THRB: variants seen among roughly 807,000 people sequenced by gnomAD.
THRB encodes nuclear receptor subfamily 1 group A member 2.
Under a neutral mutation model 47.8 loss-of-function variants are expected in THRB, and 12 were observed. The observed-to-expected ratio is 0.25, with a 90% CI of 0.16 to 0.41. The LOEUF (loss-of-function observed/expected upper bound fraction) is 0.41. Among genes scored for constraint, THRB ranks in the 10% least tolerant of loss-of-function variants. THRB has a pLI of 1.00. For missense variants in THRB, 348 were observed against 589.2 expected (o/e 0.59, Z 4.24); for synonymous variants, 218 against 212.2 (o/e 1.03, Z -0.24).
intron 1 of THRB, among the ~76,000 whole-genome samples, chr3:24,443,101 G>GGT: frequency 6.6e-6 from 1 of 152,062 alleles, no homozygotes. Flanking sequence ...AGAATTGCTT[G>GGT]AACCTGGGAG....
At chr3:24,126,562 C>G (rs1464233022) in intron 10 of THRB, among the ~76,000 whole-genome samples, 2 of 152,074 alleles carry the variant, frequency 1.3e-5, no homozygotes, top group Non-Finnish European at 2.9e-5. Context: ...CATCTATGTC[C>G]TCAAAAAAAA....
chr3:24,493,707 A>G (rs1311932446), intron 1 of THRB, among the ~76,000 whole-genome samples: 2 of 152,216 alleles, frequency 1.3e-5, no homozygotes, highest in Non-Finnish European at 2.9e-5. Context: ...TTATGTTTCT[A>G]GATCCTTCTT....
At chr3:24,457,149 T>C (rs1038933428) in intron 1 of THRB, among the ~76,000 whole-genome samples, 2 of 152,208 alleles carry the variant, frequency 1.3e-5, no homozygotes, top group South Asian at 2.1e-4. Context: ...TGAAGATTTC[T>C]ATTTTTTCTT....
chr3:24,121,980 A>G lies in THRB; in HGVS notation c.*904T>C, dbSNP rs2031767980. The G allele has an allele frequency of 6.6e-6, 1 of 152,648 alleles. No individual in the cohort carries two copies. Among genetic ancestry groups the G allele is most frequent in the South Asian group, 2.1e-4 (1 of 4,834 alleles). The allele number at this position is 152,648 out of a possible 1,614,324, so 9.5% of individuals were successfully genotyped here. A position where few individuals can be genotyped will look rare whatever the true frequency, so the allele number is the denominator to read the frequency against. The stretch of plus-strand genomic sequence containing the variant: ...CTGTTGTCAGCTCAGCAAAGATACA[A>G]CCTGGATAAAGAACTTCAGGAGCTT... On this transcript the variant is annotated 3_prime_UTR_variant, in exon 11 of 11. Coordinates refer to ENST00000646209, the MANE Select transcript of THRB (RefSeq NM_001354712.2).
rs189608921 is a variant in THRB, at chr3:24,462,181, C to G, written c.-261+32471G>C. Among the ~76,000 whole-genome samples the G allele has an allele frequency of 4.2e-3, 643 of 152,000 alleles. 6 individuals are homozygous for G. The highest frequency in any genetic ancestry group is 0.015 in the African/African-American group (622 of 41,458). On this transcript the variant is annotated intron_variant, in intron 1 of 10. Transcript: ENST00000646209. ...TAATGGCTAAAAAAAAAAAACTTTT[C>G]AGCAGCATGTTATCCCAAAAAGGGC...
At chr3:24,173,297 T>G (rs1333586854) in intron 5 of THRB, among the ~76,000 whole-genome samples, 1 of 152,206 alleles carries the variant, frequency 6.6e-6, no homozygotes, top group Non-Finnish European at 1.5e-5. Context: ...TCAAAACTTC[T>G]GTCTTCTTCT....
chr3:24,153,089 A>G (rs1472196722), intron 5 of THRB, among the ~76,000 whole-genome samples: 2 of 152,108 alleles, frequency 1.3e-5, no homozygotes, highest in Non-Finnish European at 2.9e-5. Flanking sequence ...CCAGGATTTG[A>G]GCACTGTGAG....
chr3:24,316,615 G>A (rs78366050), intron 2 of THRB, among the ~76,000 whole-genome samples: 3,737 of 152,096 alleles, frequency 0.025, 165 homozygotes, highest in African/African-American at 0.085. Flanking sequence ...TTATTGCAAT[G>A]TTATCCAAAC....
chr3:24,201,647 T>C (rs892174570), intron 4 of THRB, among the ~76,000 whole-genome samples: 2 of 152,226 alleles, frequency 1.3e-5, no homozygotes, highest in Non-Finnish European at 2.9e-5. Flanking sequence ...AGCCATGATT[T>C]TCCTATTCAG....
intron 2 of THRB, among the ~76,000 whole-genome samples, chr3:24,321,418 C>T (rs2058476053): frequency 6.6e-6 from 1 of 152,006 alleles, no homozygotes; most frequent in African/African-American, 2.4e-5. Flanking sequence ...TTATCTTTTG[C>T]TTTTAATAAA....
intron 1 of THRB, among the ~76,000 whole-genome samples, chr3:24,444,703 C>T (rs73034471): frequency 0.039 from 5,899 of 152,044 alleles, 165 homozygotes; most frequent in South Asian, 0.059. Context: ...CTTCCGGGTT[C>T]GAGCCTCTCA....
intron 2 of THRB, among the ~76,000 whole-genome samples, chr3:24,316,504 C>A (rs1191577491): frequency 1.3e-5 from 2 of 151,890 alleles, no homozygotes; most frequent in Non-Finnish European, 2.9e-5. Flanking sequence ...TCCTCCTCCC[C>A]CACCACATGC....
intron 3 of THRB, among the ~76,000 whole-genome samples, chr3:24,264,469 GA>G (rs1179895322): frequency 6.6e-6 from 1 of 152,176 alleles, no homozygotes; most frequent in East Asian, 1.9e-4. Flanking sequence ...CTGACACTTG[GA>G]AAAGCTTTCT....
chr3:24,197,373 ACT>A (rs1444531859), intron 4 of THRB, among the ~76,000 whole-genome samples: 1 of 152,058 alleles, frequency 6.6e-6, no homozygotes, highest in South Asian at 2.1e-4. Flanking sequence ...TCAAATTCTG[ACT>A]CTGCCATATA....
chr3:24,174,529 C>A lies in THRB; in HGVS notation c.283+15545G>T, dbSNP rs150560282. Among the ~76,000 whole-genome samples, 26 of 152,236 alleles carry A rather than the reference C, an allele frequency of 1.7e-4. No homozygotes were observed. In the East Asian group the frequency reaches 4.6e-3, roughly 27 times the overall value. Reference sequence around the variant, plus strand: ...AGAATCTAAAGCATGTCACCTGTTACCCCTCCCACAACCCCAATCCTAGCT... The same window carrying A: ...AGAATCTAAAGCATGTCACCTGTTAACCCTCCCACAACCCCAATCCTAGCT... On this transcript the variant is annotated intron_variant, in intron 5 of 10. Coordinates refer to ENST00000646209, the MANE Select transcript of THRB (RefSeq NM_001354712.2).
chr3:24,379,216 A>G (rs1478431393), intron 1 of THRB, among the ~76,000 whole-genome samples: 1 of 152,156 alleles, frequency 6.6e-6, no homozygotes, highest in Non-Finnish European at 1.5e-5. Context: ...ACAAATTTGT[A>G]TAACTGTACC....
At chr3:24,455,332 G>A (rs2073065337) in intron 1 of THRB, 2 of 151,912 alleles carry the variant, frequency 1.3e-5, no homozygotes, top group Non-Finnish European at 2.9e-5. Context: ...TCCACTCCTA[G>A]ATAATATGCC....
At chr3:24,335,753 T>G (rs567347041) in intron 2 of THRB, among the ~76,000 whole-genome samples, 1 of 152,340 alleles carries the variant, frequency 6.6e-6, no homozygotes, top group African/African-American at 2.4e-5. Flanking sequence ...TAATACAGTG[T>G]TCATTCTTTT....
At chr3:24,202,051 C>G (rs547235654) in intron 4 of THRB, among the ~76,000 whole-genome samples, 1 of 152,270 alleles carries the variant, frequency 6.6e-6, no homozygotes, top group Admixed American at 6.5e-5. Context: ...GGATAAATGA[C>G]AAAATCAGAA....
Sources: allele counts gnomAD v4.1 joint callset (sites outside exome capture counted in the v4.1 genomes callset), GRCh38; gene constraint gnomAD v4.1.1; transcripts MANE v1.5; gene names NCBI Gene and HGNC (gene_info 2026-07-23, HGNC 2026-07-21).